Variants in CELF2 observed in about 807,000 individuals in gnomAD.
CELF2 encodes the protein CUGBP Elav-like family member 2, also known as CUG triplet repeat RNA-binding protein 2.
A neutral mutation model predicts 62.6 loss-of-function variants in CELF2; 8 were observed. The ratio of observed to expected loss-of-function variants is 0.13; its 90% CI spans 0.07 to 0.23. The LOEUF is 0.23. CELF2 is among the 10% of genes least tolerant of loss of function. The pLI, the probability that CELF2 is intolerant of heterozygous loss-of-function variation, is 1.00. For synonymous variants in CELF2, 258 were observed against 250.0 expected, an observed-to-expected ratio of 1.03 and a Z score of -0.30; for missense variants, 333 against 671.0, an observed-to-expected ratio of 0.50 and a Z score of 5.56.
At position 11,306,875 on chromosome 10, in the gene CELF2, A is replaced by C. The variant is rs1196076138; in HGVS notation, c.977-7264A>C. The stretch of plus-strand genomic sequence containing the variant: ...TTAAATAGGAAGCCAGGGTGTAAAG[A>C]GACCTAATTTGCATATTGATTCATT... On this transcript the variant is annotated intron_variant, in intron 9 of 12. Transcript: ENST00000633077. This position sits in a 1 kb window ranked among gnomAD's most constrained non-coding sequence, Gnocchi z 4.4. Among the ~76,000 whole-genome samples the C allele has an allele frequency of 6.6e-6, 1 of 152,218 alleles. No individual in the cohort carries two copies. The highest frequency in any genetic ancestry group is 1.5e-5 in the Non-Finnish European group (1 of 68,044).
the CELF2 span, among the ~76,000 whole-genome samples, chr10:10,771,532 T>C: frequency 6.6e-6 from 1 of 152,236 alleles, no homozygotes; most frequent in African/African-American, 2.4e-5. Context: ...CCATAATTCC[T>C]ATGTATTGTG....
At chr10:11,327,157 A>G (rs1006468775) in intron 12 of CELF2, among the ~76,000 whole-genome samples, 4 of 121,434 alleles carry the variant, frequency 3.3e-5, no homozygotes, top group Admixed American at 1.1e-4. Flanking sequence ...CCCGTGTGAC[A>G]GTTCAGTAGA....
chr10:11,091,082 T>A (rs560687861), intron 1 of CELF2, among the ~76,000 whole-genome samples: 1 of 152,190 alleles, frequency 6.6e-6, no homozygotes, highest in African/African-American at 2.4e-5. Context: ...TCCTTTTGAA[T>A]AGGATGATTT....
intron 1 of CELF2, among the ~76,000 whole-genome samples, chr10:11,036,734 G>C (rs914648891): frequency 6.6e-6 from 1 of 152,206 alleles, no homozygotes; most frequent in Non-Finnish European, 1.5e-5. Flanking sequence ...GAGCCCGCTG[G>C]GGGTTTACAG....
At chr10:11,160,867 T>C (rs1301052050) in intron 1 of CELF2, among the ~76,000 whole-genome samples, 1 of 152,216 alleles carries the variant, frequency 6.6e-6, no homozygotes, top group Admixed American at 6.5e-5. Flanking sequence ...TTTGTTCTTC[T>C]TTTTATATAA....
the CELF2 span, among the ~76,000 whole-genome samples, chr10:10,710,354 A>G: frequency 6.6e-6 from 1 of 152,196 alleles, no homozygotes. Flanking sequence ...TCTGGGGATA[A>G]TTAGTGTCTA....
chr10:10,611,701 G>A, the CELF2 span, among the ~76,000 whole-genome samples: 1 of 152,128 alleles, frequency 6.6e-6, no homozygotes, highest in African/African-American at 2.4e-5. Context: ...GACATATGAG[G>A]CCTGTTAATT....
At chr10:11,070,180 G>A (rs1393337457) in intron 1 of CELF2, among the ~76,000 whole-genome samples, 3 of 152,116 alleles carry the variant, frequency 2.0e-5, no homozygotes, top group Admixed American at 6.5e-5. Flanking sequence ...GTATACAGTG[G>A]GTTTAGCAGG....
In CELF2 at chr10:10,920,160, G is replaced by A. The variant is rs140196892; in HGVS notation, c.89+161G>A. Among the ~76,000 whole-genome samples the A allele has an allele frequency of 1.2e-4, 18 of 152,212 alleles. 1 individual carries two copies. Among genetic ancestry groups the A allele is most frequent in the African/African-American group, 3.1e-4 (13 of 41,530 alleles). On this transcript the variant is annotated intron_variant, in intron 2 of 13. Coordinates refer to the CELF2 transcript ENST00000636488. ...TGTAAATGCCAAAAATTATGCATGC[G>A]TCACATATACATGATGTAACCAGGA... is the stretch of plus-strand genomic sequence containing the variant.
At chr10:10,532,570 G>A in the CELF2 span, among the ~76,000 whole-genome samples, 1 of 152,298 alleles carries the variant, frequency 6.6e-6, no homozygotes, top group African/African-American at 2.4e-5. Flanking sequence ...CTTACATTGA[G>A]AGCAGCAGAA....
At chr10:10,530,548 AC>A in the CELF2 span, among the ~76,000 whole-genome samples, 10 of 152,146 alleles carry the variant, frequency 6.6e-5, no homozygotes, top group Non-Finnish European at 1.5e-5. Flanking sequence ...TGTAGGCCTC[AC>A]CCAAGATGGA....
intron 1 of CELF2, among the ~76,000 whole-genome samples, chr10:11,121,603 C>T (rs559300518): frequency 2.6e-5 from 4 of 152,042 alleles, no homozygotes; most frequent in Non-Finnish European, 4.4e-5. Flanking sequence ...GGTCAAATAG[C>T]GACGCAGACG....
At chr10:10,871,748 C>T (rs1333336233) in intron 1 of CELF2, among the ~76,000 whole-genome samples, 1 of 152,094 alleles carries the variant, frequency 6.6e-6, no homozygotes. Context: ...CACGAGGACC[C>T]AGGAGCGAGG....
At chr10:10,758,063 A>G in the CELF2 span, among the ~76,000 whole-genome samples, 2 of 152,168 alleles carry the variant, frequency 1.3e-5, no homozygotes, top group Non-Finnish European at 2.9e-5. Flanking sequence ...CAATCTGCAG[A>G]TTTTCATTTT....
At chr10:11,272,877 C>T (rs2084372985) in intron 7 of CELF2, among the ~76,000 whole-genome samples, 2 of 152,202 alleles carry the variant, frequency 1.3e-5, no homozygotes, top group Non-Finnish European at 1.5e-5. Flanking sequence ...GTGCTATTAA[C>T]TCCTCTAAAC....
the CELF2 span, among the ~76,000 whole-genome samples, chr10:10,525,254 A>T: frequency 6.6e-6 from 1 of 152,174 alleles, no homozygotes; most frequent in African/African-American, 2.4e-5. Context: ...TTACTGAAAC[A>T]TTATACCCTA....
intron 2 of CELF2, among the ~76,000 whole-genome samples, chr10:11,166,702 A>C (rs2067315816): frequency 6.6e-6 from 1 of 152,118 alleles, no homozygotes; most frequent in African/African-American, 2.4e-5. Context: ...GCTTCTCCTA[A>C]GACCTCTGAA....
At chr10:10,547,022 G>A in the CELF2 span, among the ~76,000 whole-genome samples, 4 of 152,080 alleles carry the variant, frequency 2.6e-5, no homozygotes, top group East Asian at 3.8e-4. Flanking sequence ...AAGGAGAATC[G>A]CTTGAACCTG....
chr10:11,294,168 G>A (rs1420172525), intron 9 of CELF2, among the ~76,000 whole-genome samples: 1 of 152,224 alleles, frequency 6.6e-6, no homozygotes, highest in African/African-American at 2.4e-5. Flanking sequence ...TATAGAATAA[G>A]TACGAGTCTG....
Sources: gnomAD v4.1 joint callset for allele counts (sites outside exome capture counted in the v4.1 genomes callset) on GRCh38, gnomAD v4.1.1 for gene constraint, Gnocchi (gnomAD v3.1) non-coding constraint, MANE v1.5 for transcripts, NCBI Gene and HGNC (gene_info 2026-07-23, HGNC 2026-07-21) for gene names.